NCOA2: variants seen among roughly 807,000 people sequenced by gnomAD.
NCOA2 encodes nuclear receptor coactivator 2.
In NCOA2, 21 loss-of-function variants were observed where a neutral mutation model predicts 145.1. The ratio of observed to expected loss-of-function variants is 0.14; its 90% CI spans 0.10 to 0.21. The LOEUF (loss-of-function observed/expected upper bound fraction) is 0.21. Ranked by LOEUF, NCOA2 falls within the 10% of genes least tolerant of loss-of-function variation. The probability of loss-of-function intolerance (pLI) is 1.00; values close to 1 mark genes in which losing one functional copy is unlikely to be tolerated. For synonymous variants in NCOA2, 619 were observed against 637.5 expected (o/e 0.97, Z 0.44); for missense variants, 1,472 against 1,837.6 (o/e 0.80, Z 3.64).
intron 15 of NCOA2, among the ~76,000 whole-genome samples, chr8:70,135,638 T>C (rs1392942699): frequency 6.6e-6 from 1 of 152,164 alleles, no homozygotes; most frequent in East Asian, 1.9e-4. Flanking sequence ...AAATGGCCAC[T>C]AACACAATGA....
intron 1 of NCOA2, among the ~76,000 whole-genome samples, chr8:70,372,389 G>T (rs980518758): frequency 2.6e-5 from 4 of 152,198 alleles, no homozygotes; most frequent in African/African-American, 7.2e-5. Flanking sequence ...GCTGAGATTA[G>T]TTGGGGGTTA....
chr8:70,404,911 A>C (rs1456735046), upstream of NCOA2, among the ~76,000 whole-genome samples: 1 of 152,226 alleles, frequency 6.6e-6, no homozygotes, highest in African/African-American at 2.4e-5. Flanking sequence ...GGCAGTTATC[A>C]AACTATGAGA....
intron 1 of NCOA2, among the ~76,000 whole-genome samples, chr8:70,374,004 A>G (rs977958832): frequency 1.3e-5 from 2 of 152,252 alleles, no homozygotes; most frequent in Admixed American, 1.3e-4. Context: ...TTGCACTTCC[A>G]TATGAATTTT....
intron 1 of NCOA2, among the ~76,000 whole-genome samples, chr8:70,323,680 ATATGAT>A (rs1184128830): frequency 2.0e-5 from 3 of 152,238 alleles, no homozygotes; most frequent in African/African-American, 7.2e-5. Flanking sequence ...ACTACTGATT[ATATGAT>A]TATAACATTG....
intron 2 of NCOA2, among the ~76,000 whole-genome samples, chr8:70,284,951 G>A (rs901966230): frequency 2.6e-5 from 4 of 152,072 alleles, no homozygotes; most frequent in East Asian, 1.9e-4. Flanking sequence ...GAATCTATAC[G>A]GGGAGAACAG....
chr8:70,303,996 C>T (rs1416854677), intron 1 of NCOA2, among the ~76,000 whole-genome samples: 1 of 151,916 alleles, frequency 6.6e-6, no homozygotes, highest in Non-Finnish European at 1.5e-5. Flanking sequence ...AGATTATAAA[C>T]TCCCCTCAGA....
rs565536084 is a variant in NCOA2, at chr8:70,283,272, A to G, written c.-20+13472T>C. Among the ~76,000 whole-genome samples, 586 of 152,372 alleles carry G rather than the reference A, an allele frequency of 3.8e-3. 2 individuals carry two copies. Among genetic ancestry groups the G allele is most frequent in the Non-Finnish European group, 6.2e-3 (421 of 68,042 alleles). ...GGTGCGACTAGTTGTTCTTAGGGAC[A>G]TTAGTTAAATTGTATCATTTTTTTC... On this transcript the variant is annotated intron_variant, in intron 2 of 22. Coordinates refer to ENST00000452400, the MANE Select transcript of NCOA2 (RefSeq NM_006540.4).
chr8:70,252,771 A>C (rs1230649680), intron 2 of NCOA2, among the ~76,000 whole-genome samples: 1 of 152,210 alleles, frequency 6.6e-6, no homozygotes, highest in Non-Finnish European at 1.5e-5. Flanking sequence ...CGCAGATTTG[A>C]CCATACAAAT....
chr8:70,249,066 T>G (rs1272909676), intron 2 of NCOA2, among the ~76,000 whole-genome samples: 1 of 151,868 alleles, frequency 6.6e-6, no homozygotes, highest in Non-Finnish European at 1.5e-5. Context: ...ATGACAGATG[T>G]TTTTACCTCT....
chr8:70,296,703 A>G (rs1192960268), intron 2 of NCOA2, 41 bp downstream of exon 2: 2 of 152,186 alleles, frequency 1.3e-5, no homozygotes, highest in Non-Finnish European at 2.9e-5. Context: ...TTTTAATTAA[A>G]TATCAAAGTA....
upstream of NCOA2, among the ~76,000 whole-genome samples, chr8:70,407,737 A>C (rs1160001075): frequency 6.6e-6 from 1 of 152,102 alleles, no homozygotes; most frequent in Non-Finnish European, 1.5e-5. Flanking sequence ...CGGAGGTTGC[A>C]GTGAGCCAAG....
chr8:70,216,790 A>G, intron 2 of NCOA2, 26 bp from the exon 3 acceptor site: 1 of 1,432,912 alleles, frequency 7.0e-7, no homozygotes, highest in South Asian at 1.1e-5. Context: ...GAGAAGAGGA[A>G]GAAAAAAATG....
chr8:70,345,942 C>T (rs922384913), intron 1 of NCOA2, among the ~76,000 whole-genome samples: 1 of 152,182 alleles, frequency 6.6e-6, no homozygotes, highest in Non-Finnish European at 1.5e-5. Flanking sequence ...TGCCTCCAAA[C>T]ACAATGAATG....
chr8:70,250,778 G>A (rs1823100935), intron 2 of NCOA2, among the ~76,000 whole-genome samples: 1 of 152,070 alleles, frequency 6.6e-6, no homozygotes, highest in Admixed American at 6.6e-5. Flanking sequence ...AGCTCTGAAG[G>A]TGACATGTTT....
At chr8:70,268,831 T>C (rs1280812561) in intron 2 of NCOA2, among the ~76,000 whole-genome samples, 4 of 152,216 alleles carry the variant, frequency 2.6e-5, no homozygotes, top group African/African-American at 9.6e-5. Flanking sequence ...AAGCTATAAA[T>C]ATACTTTCAA....
At chr8:70,195,640 T>C (rs1323607673) in intron 4 of NCOA2, among the ~76,000 whole-genome samples, 1 of 152,240 alleles carries the variant, frequency 6.6e-6, no homozygotes, top group East Asian at 1.9e-4. Context: ...TTCTATATTT[T>C]ATCTTTACAA....
intron 4 of NCOA2, among the ~76,000 whole-genome samples, chr8:70,182,032 T>C (rs145535634): frequency 6.5e-4 from 99 of 152,398 alleles, no homozygotes; most frequent in African/African-American, 2.3e-3. Flanking sequence ...AGCTGCCATA[T>C]GGCTTTGTGA....
intron 1 of NCOA2, among the ~76,000 whole-genome samples, chr8:70,336,413 G>C (rs946088990): frequency 1.3e-5 from 2 of 152,010 alleles, no homozygotes; most frequent in African/African-American, 2.4e-5. Context: ...CTTTTTTAAA[G>C]GTAATTAATG....
intron 5 of NCOA2, among the ~76,000 whole-genome samples, chr8:70,173,503 C>T (rs1484971497): frequency 6.6e-6 from 1 of 152,140 alleles, no homozygotes; most frequent in African/African-American, 2.4e-5. Flanking sequence ...TCATAATCTG[C>T]TTCTAAGAAC....
Sources: gnomAD v4.1 joint callset for allele counts (sites outside exome capture counted in the v4.1 genomes callset) on GRCh38, gnomAD v4.1.1 for gene constraint, MANE v1.5 for transcripts, NCBI Gene and HGNC (gene_info 2026-07-23, HGNC 2026-07-21) for gene names.